Variants in SH3PXD2A observed in about 807,000 individuals in gnomAD.
The protein encoded by SH3PXD2A is SH3 and PX domains 2A.
Under a neutral mutation model 115.2 loss-of-function variants are expected in SH3PXD2A, and 32 were observed. That is an observed-to-expected ratio of 0.28 (90% CI 0.21 to 0.37). The LOEUF is 0.37. Among genes scored for constraint, SH3PXD2A ranks in the 10% least tolerant of loss-of-function variants. The pLI is 1.00. For missense variants in SH3PXD2A, 1,328 were observed against 1,498.7 expected (o/e 0.89, Z 1.88); for synonymous variants, 610 against 629.1 (o/e 0.97, Z 0.45).
At chr10:103,823,593 T>C (rs1002004645) in intron 1 of SH3PXD2A, among the ~76,000 whole-genome samples, 6 of 152,208 alleles carry the variant, frequency 3.9e-5, no homozygotes, top group African/African-American at 9.6e-5. Context: ...TACAAGCCCA[T>C]CTAACAGAAG....
At chr10:103,772,358 G>T (rs1401901433) in intron 2 of SH3PXD2A, among the ~76,000 whole-genome samples, 4 of 152,234 alleles carry the variant, frequency 2.6e-5, no homozygotes, top group African/African-American at 9.6e-5. Context: ...CTGGGAGGAA[G>T]AAGGCTGGGC....
At position 103,602,567 on chromosome 10, in the gene SH3PXD2A, T is replaced by C; in HGVS notation, c.2651A>G (p.Glu884Gly). ...GTGGGAAGGGGCCCAGCCCTCCAGC[T>C]CCCCAAACCTCACATACCACCACCC... ...ESGWWYVRFG[E>G]LEGWAPSHYL... Residue 884 changes from glutamate to glycine, a missense_variant, in exon 15 of 15, where the codon GAG (glutamate) becomes GGG (glycine). Coordinates refer to ENST00000369774, the MANE Select transcript of SH3PXD2A (RefSeq NM_001394015.1). The C allele has an allele frequency of 6.2e-7, 1 of 1,614,086 alleles. No individual in the cohort carries two copies. The highest frequency in any genetic ancestry group is 8.5e-7 in the Non-Finnish European group (1 of 1,180,000).
At chr10:103,615,505 T>C (rs201323459) in intron 11 of SH3PXD2A, among the ~76,000 whole-genome samples, 15,886 of 107,736 alleles carry the variant, frequency 0.15, 1,106 homozygotes, top group East Asian at 0.29. Context: ...TGTGTGTGTG[T>C]GTGTGTGTGT....
intron 6 of SH3PXD2A, among the ~76,000 whole-genome samples, chr10:103,692,304 A>G (rs1322723101): frequency 6.8e-6 from 1 of 146,626 alleles, no homozygotes; most frequent in East Asian, 2.2e-4. Flanking sequence ...CACAGCTCCG[A>G]GGGCTGGCCC....
intron 2 of SH3PXD2A, among the ~76,000 whole-genome samples, chr10:103,768,947 G>A (rs919786649): frequency 2.0e-5 from 3 of 152,038 alleles, no homozygotes; most frequent in Non-Finnish European, 2.9e-5. Context: ...AGGGGGAGGC[G>A]CCAGGCTCTT....
intron 2 of SH3PXD2A, among the ~76,000 whole-genome samples, chr10:103,771,742 C>CAT (rs1415263115): frequency 1.1e-5 from 1 of 87,140 alleles, no homozygotes; most frequent in African/African-American, 5.8e-5. Flanking sequence ...CAAAACAACA[C>CAT]ACACACACAC....
chr10:103,734,132 G>A (rs951264812), intron 4 of SH3PXD2A, among the ~76,000 whole-genome samples: 1 of 152,154 alleles, frequency 6.6e-6, no homozygotes, highest in Non-Finnish European at 1.5e-5. Context: ...GCTTGCCCAA[G>A]GTCACGTAGC....
chr10:103,702,596 C>CGTGTGCGTGTGTGTGTGTGTGTGTGT (rs1554913265), intron 5 of SH3PXD2A, among the ~76,000 whole-genome samples: 2 of 147,448 alleles, frequency 1.4e-5, no homozygotes, highest in Admixed American at 1.4e-4. Context: ...TGTGTGTGTG[C>CGTGTGCGTGTGTGTGTGTGTGTGTGT]GTGTGTGTGT....
At chr10:103,842,124 CA>C (rs541852028) in intron 1 of SH3PXD2A, among the ~76,000 whole-genome samples, 12,933 of 89,012 alleles carry the variant, frequency 0.15, 1,083 homozygotes, top group African/African-American at 0.34. Context: ...GACTCCGTCT[CA>C]AAAAAAAAAA....
intron 1 of SH3PXD2A, among the ~76,000 whole-genome samples, chr10:103,820,404 C>T (rs1488965796): frequency 5.3e-5 from 8 of 152,164 alleles, no homozygotes; most frequent in East Asian, 3.9e-4. Context: ...TCCTGCGCAG[C>T]GGCCAGGGCA....
intron 8 of SH3PXD2A, among the ~76,000 whole-genome samples, chr10:103,632,713 C>A (rs2036798725): frequency 6.6e-6 from 1 of 152,206 alleles, no homozygotes; most frequent in Non-Finnish European, 1.5e-5. Flanking sequence ...CGGTGGCTCA[C>A]ACCTGTAATC....
chr10:103,707,947 C>T (rs2038000736), intron 5 of SH3PXD2A, among the ~76,000 whole-genome samples: 1 of 152,184 alleles, frequency 6.6e-6, no homozygotes, highest in Non-Finnish European at 1.5e-5. Flanking sequence ...TGCCTCCAAA[C>T]CCTCCCTCAG....
Position 103,627,117 on chromosome 10 carries a change from G to C in SH3PXD2A, c.690C>G (p.Ser230=), listed in dbSNP as rs372086803. 1.9e-6 allele frequency: 3 copies of C among 1,611,384 alleles called. No homozygotes were observed. Among genetic ancestry groups the C allele is most frequent in the African/African-American group, 2.7e-5 (2 of 74,870 alleles). ...LEAQNGTRDD[S]DINTSKTGEV... ...CTCCAGTCTTAGAGGTGTTGATGTC[G>C]GAGTCATCCCGAGTACCATTCTGGG... is the stretch of plus-strand genomic sequence containing the variant. The change falls in exon 9 of 15, where the codon TCC becomes TCG. Residue 230 remains serine (S), a synonymous_variant. Transcript: ENST00000369774. The surrounding 1 kb of genome is among the most constrained non-coding windows in gnomAD (Gnocchi z 4.4).
intron 9 of SH3PXD2A, among the ~76,000 whole-genome samples, chr10:103,624,041 C>CAGAGT (rs1252973169): frequency 5.9e-5 from 9 of 152,242 alleles, no homozygotes; most frequent in African/African-American, 2.2e-4. Flanking sequence ...AATGGGGAGA[C>CAGAGT]AGAGGCACAG....
chr10:103,629,783 GCT>G (rs1367949466), intron 8 of SH3PXD2A, among the ~76,000 whole-genome samples: 4 of 152,306 alleles, frequency 2.6e-5, no homozygotes, highest in African/African-American at 9.6e-5. Flanking sequence ...GAGTCCCAGG[GCT>G]CTGTCTCCAT....
At chr10:103,755,376 C>G (rs1439945612) in intron 3 of SH3PXD2A, 1 of 152,228 alleles carries the variant, frequency 6.6e-6, no homozygotes, top group Non-Finnish European at 1.5e-5. Context: ...CAGAATTAAA[C>G]TGATTAAAAC....
chr10:103,607,366 C>T (rs1178040060), intron 13 of SH3PXD2A, among the ~76,000 whole-genome samples: 3 of 151,676 alleles, frequency 2.0e-5, no homozygotes, highest in Non-Finnish European at 2.9e-5. Context: ...AAGTGAGGAG[C>T]GTCTCCGCCC....
intron 9 of SH3PXD2A, among the ~76,000 whole-genome samples, chr10:103,625,674 T>C (rs1052149153): frequency 6.6e-6 from 1 of 152,110 alleles, no homozygotes; most frequent in African/African-American, 2.4e-5. Context: ...GGCAGATTGC[T>C]TGGGGCCAGG....
At chr10:103,771,726 C>T (rs137950499) in intron 2 of SH3PXD2A, among the ~76,000 whole-genome samples, 1 of 149,010 alleles carries the variant, frequency 6.7e-6, no homozygotes, top group African/African-American at 2.5e-5. Context: ...CAGAGCGAGA[C>T]TCCGTCAAAA....
Sources: allele counts gnomAD v4.1 joint callset (sites outside exome capture counted in the v4.1 genomes callset), GRCh38; gene constraint gnomAD v4.1.1; non-coding constraint Gnocchi (gnomAD v3.1); transcripts MANE v1.5; gene names NCBI Gene and HGNC (gene_info 2026-07-23, HGNC 2026-07-21).